TXLNB: variants seen among roughly 807,000 people sequenced by gnomAD.
TXLNB encodes taxilin beta.
Under a neutral mutation model 57.4 loss-of-function variants are expected in TXLNB, and 37 were observed. The ratio of observed to expected loss-of-function variants is 0.64; its 90% CI spans 0.50 to 0.85. The LOEUF is 0.85. TXLNB is among the 40% of genes least tolerant of loss of function. The pLI, the probability that TXLNB is intolerant of heterozygous loss-of-function variation, is 0.00. For missense variants in TXLNB, 848 were observed against 825.6 expected (o/e 1.03, Z -0.33); for synonymous variants, 302 against 309.6 (o/e 0.98, Z 0.26).
chr6:139,223,255 A>C, the TXLNB span, among the ~76,000 whole-genome samples: 861 of 152,338 alleles, frequency 5.7e-3, 7 homozygotes, highest in African/African-American at 0.019. Flanking sequence ...AAATATTTTG[A>C]ATGGAGTGAT....
chr6:139,259,949 G>A (rs1035895983), intron 6 of TXLNB, among the ~76,000 whole-genome samples: 9 of 152,108 alleles, frequency 5.9e-5, no homozygotes, highest in African/African-American at 1.7e-4. Flanking sequence ...GCGTCCAGGC[G>A]CGATGGTTCA....
chr6:139,200,899 C>T, the TXLNB span, among the ~76,000 whole-genome samples: 2 of 152,178 alleles, frequency 1.3e-5, no homozygotes, highest in African/African-American at 4.8e-5. Context: ...TGCTGGAGAA[C>T]ACCCCATACC....
intron 6 of TXLNB, among the ~76,000 whole-genome samples, chr6:139,259,084 C>A (rs1285795164): frequency 6.6e-6 from 1 of 152,134 alleles, no homozygotes; most frequent in Non-Finnish European, 1.5e-5. Context: ...ACATTGAAAA[C>A]AACTTTCATC....
chr6:139,290,584 C>T lies in TXLNB; in HGVS notation c.-15+1337G>A, dbSNP rs370511496. On this transcript the variant is annotated intron_variant, in intron 1 of 9. Coordinates refer to ENST00000358430, the MANE Select transcript of TXLNB (RefSeq NM_153235.4). ...TTCATAAACAAGGAGGAGACCAACT[C>T]GAGAAATAATTCAGCAATAATAAGG... Among the ~76,000 whole-genome samples, 24 of 152,144 alleles carry T rather than the reference C, an allele frequency of 1.6e-4. No individual in the cohort carries two copies. In the East Asian group the frequency reaches 4.4e-3, roughly 28 times the overall value.
chr6:139,315,551 C>CT, the TXLNB span, among the ~76,000 whole-genome samples: 2 of 152,012 alleles, frequency 1.3e-5, no homozygotes, highest in Non-Finnish European at 2.9e-5. Flanking sequence ...CCTCTGGCTG[C>CT]GAATAGTACT....
At chr6:139,185,668 T>C in the TXLNB span, among the ~76,000 whole-genome samples, 1 of 152,150 alleles carries the variant, frequency 6.6e-6, no homozygotes, top group Non-Finnish European at 1.5e-5. Flanking sequence ...ACCACTGCAC[T>C]CCAGCCTGGG....
the TXLNB span, among the ~76,000 whole-genome samples, chr6:139,196,364 G>GTTTTTTTTTTTT: frequency 5.8e-5 from 5 of 86,770 alleles, 2 homozygotes; most frequent in African/African-American, 9.1e-5. Context: ...CTCCAGATCT[G>GTTTTTTTTTTTT]GTTTTTTTTT....
upstream of TXLNB, among the ~76,000 whole-genome samples, chr6:139,296,891 GCAAACAAA>G (rs141049341): frequency 2.0e-4 from 31 of 151,942 alleles, no homozygotes; most frequent in South Asian, 1.5e-3. Context: ...ATCTCTGAAA[GCAAACAAA>G]CAAACAAACA....
chr6:139,167,249 CTGG>C, the TXLNB span: 1 of 1,613,856 alleles, frequency 6.2e-7, no homozygotes, highest in Non-Finnish European at 8.5e-7. Flanking sequence ...ACAGTTCCCA[CTGG>C]TGGATGGAAC....
chr6:139,261,878 G>A (rs1776490310), intron 5 of TXLNB, among the ~76,000 whole-genome samples: 1 of 149,928 alleles, frequency 6.7e-6, no homozygotes, highest in African/African-American at 2.5e-5. Flanking sequence ...TATTGGCCTG[G>A]TAGGGTACAT....
At chr6:139,258,229 G>A (rs2114499420) in intron 6 of TXLNB, among the ~76,000 whole-genome samples, 1 of 152,262 alleles carries the variant, frequency 6.6e-6, no homozygotes, top group South Asian at 2.1e-4. Flanking sequence ...CTGTTTTGCT[G>A]AACCAAAACA....
chr6:139,162,258 T>C, the TXLNB span, among the ~76,000 whole-genome samples: 4 of 152,102 alleles, frequency 2.6e-5, no homozygotes, highest in Non-Finnish European at 5.9e-5. Flanking sequence ...GGGGCAATCC[T>C]GGTAAAATTG....
intron 3 of TXLNB, 32 bp from the exon 4 acceptor site, chr6:139,270,658 A>C: frequency 1.2e-6 from 2 of 1,600,910 alleles, no homozygotes; most frequent in South Asian, 2.2e-5. Context: ...CATGAAAGAA[A>C]ATGGCAGGGA....
At chr6:139,226,326 A>AAAAAAAC in the TXLNB span, among the ~76,000 whole-genome samples, 1 of 85,288 alleles carries the variant, frequency 1.2e-5, no homozygotes, top group African/African-American at 3.4e-5. Flanking sequence ...AAAAAAAAAA[A>AAAAAAAC]AGAGATAGAG....
In TXLNB at chr6:139,247,993, T is replaced by C. The variant is rs954314147; in HGVS notation, c.1078-84A>G. 34 of 758,900 alleles carry C rather than the reference T, an allele frequency of 4.5e-5. 1 individual carries two copies. Among genetic ancestry groups the C allele is most frequent in the Admixed American group, 7.9e-5 (3 of 37,864 alleles). 47.0% of individuals were successfully genotyped at this position (758,900 alleles called of 1,614,324 possible). ...GTTCATTATTTAAAGGAATTCTCAA[T>C]ATAGTATTAGTAATATGTTTAATTA... On this transcript the variant is annotated intron_variant, in intron 7 of 9. Coordinates refer to ENST00000358430, the MANE Select transcript of TXLNB (RefSeq NM_153235.4).
the TXLNB span, among the ~76,000 whole-genome samples, chr6:139,225,754 AT>A: frequency 6.6e-6 from 1 of 152,160 alleles, no homozygotes; most frequent in African/African-American, 2.4e-5. Context: ...CTTCAAATTG[AT>A]TTATACATTA....
chr6:139,209,817 C>T, the TXLNB span, among the ~76,000 whole-genome samples: 1 of 152,254 alleles, frequency 6.6e-6, no homozygotes, highest in South Asian at 2.1e-4. Context: ...ACAAAGAATT[C>T]ATGACTAAGA....
chr6:139,203,229 A>G, the TXLNB span, among the ~76,000 whole-genome samples: 1 of 152,114 alleles, frequency 6.6e-6, no homozygotes, highest in Non-Finnish European at 1.5e-5. Flanking sequence ...CTTTGGATAA[A>G]TATATTCTTA....
At chr6:139,228,014 G>C in the TXLNB span, among the ~76,000 whole-genome samples, 1 of 152,202 alleles carries the variant, frequency 6.6e-6, no homozygotes, top group Admixed American at 6.5e-5. Flanking sequence ...TTGCAATAAA[G>C]AGTTTTTAAA....
Sources: allele counts gnomAD v4.1 joint callset (sites outside exome capture counted in the v4.1 genomes callset), GRCh38; gene constraint gnomAD v4.1.1; transcripts MANE v1.5; gene names NCBI Gene and HGNC (gene_info 2026-07-23, HGNC 2026-07-21).